SAMD4A: variants seen among roughly 807,000 people sequenced by gnomAD.
The protein encoded by SAMD4A is sterile alpha motif domain containing 4A.
SAMD4A carries 33 observed loss-of-function variants against 81.3 expected under a neutral mutation model. The observed-to-expected ratio is 0.41, with a 90% CI of 0.31 to 0.54. SAMD4A has a LOEUF of 0.54. Ranked by LOEUF, SAMD4A falls within the 20% of genes least tolerant of loss-of-function variation. The probability of loss-of-function intolerance (pLI) is 0.37; values close to 1 mark genes in which losing one functional copy is unlikely to be tolerated. For synonymous variants in SAMD4A, 389 were observed against 382.1 expected (o/e 1.02, Z -0.21); for missense variants, 854 against 951.1 (o/e 0.90, Z 1.34).
At chr14:54,774,797 G>A in intron 9 of SAMD4A, 137 bp from the exon 10 acceptor site, 2 of 784,474 alleles carry the variant, frequency 2.5e-6, no homozygotes, top group Non-Finnish European at 3.9e-6. Flanking sequence ...CTGGGTAACA[G>A]AGTGAGACCC....
intron 2 of SAMD4A, among the ~76,000 whole-genome samples, chr14:54,605,261 G>A (rs1173685963): frequency 1.3e-5 from 2 of 151,506 alleles, no homozygotes; most frequent in African/African-American, 4.8e-5. Flanking sequence ...CTCAGGCCCT[G>A]GAGAAAGCAA....
At chr14:54,729,716 G>C (rs7158536) in intron 3 of SAMD4A, among the ~76,000 whole-genome samples, 1 of 152,154 alleles carries the variant, frequency 6.6e-6, no homozygotes, top group Non-Finnish European at 1.5e-5. Flanking sequence ...TGATCCCATC[G>C]TTTCTTGAAT....
At chr14:54,759,967 G>A (rs1403351192) in intron 6 of SAMD4A, among the ~76,000 whole-genome samples, 194 bp from the exon 7 acceptor site, 11 of 152,192 alleles carry the variant, frequency 7.2e-5, no homozygotes. Flanking sequence ...ATACCTGTCT[G>A]TATTTTCCAA....
At chr14:54,758,589 G>A (rs552637433) in intron 6 of SAMD4A, among the ~76,000 whole-genome samples, 9 of 152,330 alleles carry the variant, frequency 5.9e-5, no homozygotes, top group African/African-American at 1.7e-4. Flanking sequence ...CAGCACTTTG[G>A]GAGGCTGAGG....
chr14:54,749,094 T>C (rs2038035471), intron 5 of SAMD4A, among the ~76,000 whole-genome samples, 170 bp downstream of exon 5: 1 of 152,160 alleles, frequency 6.6e-6, no homozygotes, highest in Non-Finnish European at 1.5e-5. Flanking sequence ...ACTGGGTGGA[T>C]TCTTGCCTTC....
rs148035515 is a variant in SAMD4A, at chr14:54,781,851, C to A, written c.2045-2686C>A. ...GGAAGCTGTTTTCCACCCAACTGGT[C>A]TTTCTGTCTTATACGTGCGGCGAGA... is the stretch of plus-strand genomic sequence containing the variant. On this transcript the variant is annotated intron_variant, in intron 11 of 12. Transcript: ENST00000554335. Among the ~76,000 whole-genome samples, 65 of 152,356 alleles carry A rather than the reference C, an allele frequency of 4.3e-4. No individual in the cohort carries two copies. In the East Asian group the frequency reaches 6.4e-3, roughly 15 times the overall value.
chr14:54,763,614 A>G (rs1307748733), intron 7 of SAMD4A, among the ~76,000 whole-genome samples: 1 of 152,216 alleles, frequency 6.6e-6, no homozygotes, highest in Non-Finnish European at 1.5e-5. Flanking sequence ...GGTTAGGGAC[A>G]GGGAGGAATC....
At chr14:54,643,607 C>T (rs532673689) in intron 2 of SAMD4A, among the ~76,000 whole-genome samples, 2 of 152,340 alleles carry the variant, frequency 1.3e-5, no homozygotes, top group African/African-American at 4.8e-5. Flanking sequence ...ATTTCCCTTT[C>T]AGCCGGTAGG....
intron 3 of SAMD4A, among the ~76,000 whole-genome samples, chr14:54,723,114 AAC>A (rs1242046966): frequency 2.1e-5 from 3 of 142,646 alleles, no homozygotes; most frequent in African/African-American, 2.5e-5. Flanking sequence ...AAAAAAAAAA[AAC>A]CCATCTAGGT....
At chr14:54,644,977 TA>T (rs569557803) in intron 2 of SAMD4A, among the ~76,000 whole-genome samples, 1 of 152,102 alleles carries the variant, frequency 6.6e-6, no homozygotes, top group Non-Finnish European at 1.5e-5. Context: ...CTCAAACTGT[TA>T]AAAAAATAGT....
Position 54,702,092 on chromosome 14 carries a change from A to G in SAMD4A, c.227A>G (p.Lys76Arg). 6.2e-7 allele frequency: 1 copy of G among 1,614,128 alleles called. No individual in the cohort carries two copies. The highest frequency in any genetic ancestry group is 8.5e-7 in the Non-Finnish European group (1 of 1,179,978). ...GIINQWQQESKDKVISLLLTH... is the reference protein window; with the variant it reads ...GIINQWQQESRDKVISLLLTH... Reference sequence around the variant, plus strand: ...ATTAACCAATGGCAACAGGAATCCAAGGATAAAGTGATTTCCCTCCTGTTA... The same window carrying G: ...ATTAACCAATGGCAACAGGAATCCAGGGATAAAGTGATTTCCCTCCTGTTA... Residue 76 changes from lysine (K) to arginine (R), a missense_variant, in exon 3 of 13, where the codon AAG (lysine) becomes AGG (arginine). Physicochemically the swap from Lys to Arg is conservative, Grantham distance 26. Transcript: ENST00000554335.
At chr14:54,600,508 C>T (rs2034024659) in intron 2 of SAMD4A, among the ~76,000 whole-genome samples, 1 of 152,172 alleles carries the variant, frequency 6.6e-6, no homozygotes, top group Non-Finnish European at 1.5e-5. Flanking sequence ...ACTGGAACTA[C>T]ACTGCAGTGT....
intron 3 of SAMD4A, among the ~76,000 whole-genome samples, chr14:54,711,406 T>C (rs2036986203): frequency 6.6e-6 from 1 of 152,160 alleles, no homozygotes; most frequent in South Asian, 2.1e-4. Context: ...AAAAAACTAG[T>C]GATCGTAAAA....
At chr14:54,674,923 A>G (rs145865492) in intron 2 of SAMD4A, among the ~76,000 whole-genome samples, 249 of 152,190 alleles carry the variant, frequency 1.6e-3, no homozygotes, top group African/African-American at 5.6e-3. Context: ...GAATTTTGAA[A>G]TTTATTTTTT....
intron 2 of SAMD4A, among the ~76,000 whole-genome samples, chr14:54,586,954 T>C (rs1172763305): frequency 6.6e-6 from 1 of 152,198 alleles, no homozygotes; most frequent in East Asian, 1.9e-4. Context: ...TTTTTTCTGA[T>C]TCTGTGAAGA....
At chr14:54,721,115 G>A (rs1027878170) in intron 3 of SAMD4A, among the ~76,000 whole-genome samples, 2 of 152,128 alleles carry the variant, frequency 1.3e-5, no homozygotes, top group Non-Finnish European at 2.9e-5. Context: ...TAAATTGGCA[G>A]TCTATTTTAA....
intron 2 of SAMD4A, among the ~76,000 whole-genome samples, chr14:54,674,393 C>G (rs750466157): frequency 6.6e-6 from 1 of 152,258 alleles, no homozygotes; most frequent in Admixed American, 6.5e-5. Context: ...AACTTGACCT[C>G]TTCGGCATGC....
At chr14:54,764,636 CTT>C (rs1249941115) in intron 8 of SAMD4A, 96 bp downstream of exon 8, 1 of 818,350 alleles carries the variant, frequency 1.2e-6, no homozygotes, top group Non-Finnish European at 2.0e-6. Context: ...CCTCCAACAA[CTT>C]GTTTTTGAGT....
upstream of SAMD4A, among the ~76,000 whole-genome samples, chr14:54,565,359 CTCAG>C (rs2032899610): frequency 2.0e-5 from 3 of 152,272 alleles, no homozygotes; most frequent in Non-Finnish European, 4.4e-5. This position sits in a 1 kb window ranked among gnomAD's most constrained non-coding sequence, Gnocchi z 5.4. Context: ...CCCGACCGGT[CTCAG>C]GAGTTCGGCC....
Sources: allele counts gnomAD v4.1 joint callset (sites outside exome capture counted in the v4.1 genomes callset), GRCh38; gene constraint gnomAD v4.1.1; non-coding constraint Gnocchi (gnomAD v3.1); transcripts MANE v1.5; gene names NCBI Gene and HGNC (gene_info 2026-07-23, HGNC 2026-07-21).